The following APOL4 variants were observed in gnomAD, a reference collection of about 807,000 sequenced individuals.
APOL4 encodes apolipoprotein L, 4.
Under a neutral mutation model 12.1 loss-of-function variants are expected in APOL4, and 14 were observed. That is an observed-to-expected ratio of 1.16 (90% CI 0.76 to 1.81). The LOEUF (loss-of-function observed/expected upper bound fraction) is 1.81, where lower values mean the gene tolerates loss of function less well. Among genes scored for constraint, APOL4 ranks in the 40% most tolerant of loss-of-function variants. The probability of loss-of-function intolerance (pLI) is 0.00; values close to 1 mark genes in which losing one functional copy is unlikely to be tolerated. For missense variants in APOL4, 432 were observed against 423.1 expected (o/e 1.02, Z -0.18); for synonymous variants, 171 against 160.6 (o/e 1.06, Z -0.49).
upstream of APOL4, among the ~76,000 whole-genome samples, chr22:36,203,846 C>A (rs2014656369): frequency 6.6e-6 from 1 of 152,222 alleles, no homozygotes; most frequent in Admixed American, 6.5e-5. Flanking sequence ...CACAATCCTG[C>A]ATGCAATTTT....
Position 36,191,921 on chromosome 22 carries a change from A to G in APOL4, c.210-9T>C, listed in dbSNP as rs2014268733. 6.4e-7 allele frequency: 1 copy of G among 1,568,730 alleles called. No individual in the cohort carries two copies. On this transcript the variant is annotated splice_polypyrimidine_tract_variant and intron_variant, in intron 3 of 3. Transcript: ENST00000683024. ...GAGCATCTGCCTCTTCCCTGTACCA[A>G]TAAAGGACAGATGATTAAGAAAGGC...
At position 36,191,009 on chromosome 22, in the gene APOL4, G is replaced by A. The variant is rs995917440; in HGVS notation, c.*66C>T. ...TGTCCATGAAATCTTCACAATCCAC[G>A]TTCTTCTGCCATGGCTTCAGCCAGT... is the stretch of plus-strand genomic sequence containing the variant. On this transcript the variant is annotated 3_prime_UTR_variant, in exon 4 of 4. Transcript: ENST00000683024. 3.7e-5 allele frequency: 51 copies of A among 1,362,578 alleles called. No individual in the cohort carries two copies. Among genetic ancestry groups the A allele is most frequent in the Middle Eastern group, 5.0e-4 (2 of 4,028 alleles). The allele number at this position is 1,362,578 out of a possible 1,614,324, so 84.4% of individuals were successfully genotyped here.
chr22:36,204,246 G>A (rs1311138177), upstream of APOL4, among the ~76,000 whole-genome samples: 1 of 152,182 alleles, frequency 6.6e-6, no homozygotes, highest in Non-Finnish European at 1.5e-5. Context: ...GGACAGACCG[G>A]GCTCCAGGTC....
At chr22:36,202,008 A>G (rs769236810), upstream of APOL4, 115 of 1,614,098 alleles carry the variant, frequency 7.1e-5, no homozygotes, top group Middle Eastern at 6.6e-4. Flanking sequence ...GCAGACGACA[A>G]AGATTTTCAG....
In APOL4 at chr22:36,191,767, A is replaced by G. The variant is rs559666388; in HGVS notation, c.355T>C (p.Ser119Pro). 7 of 1,613,206 alleles carry G rather than the reference A, an allele frequency of 4.3e-6. No individual in the cohort carries two copies. Among genetic ancestry groups the G allele is most frequent in the Non-Finnish European group, 5.9e-6 (7 of 1,179,658 alleles). The stretch of plus-strand genomic sequence containing the variant: ...GCAATGACACGAAGCCTTTCTATGG[A>G]CTCCTGAATCTTCCATCTGATTTGA... ...FPQIRWKIQE[S>P]IERLRVIANE... Residue 119 changes from serine (S) to proline (P), a missense_variant, in exon 4 of 4, where the codon TCC becomes CCC. Physicochemically the swap from Ser to Pro is moderately conservative, Grantham distance 74 (BLOSUM62 -1). Transcript: ENST00000683024.
rs751798687 is a variant in APOL4 at position 36,191,138 on chromosome 22, A to G, written c.984T>C (p.Ala328=). 3.1e-6 allele frequency: 5 copies of G among 1,611,966 alleles called. No homozygotes were observed. In the South Asian group the frequency reaches 4.4e-5, roughly 14 times the overall value. The change falls in exon 4 of 4, where the codon GCT becomes GCC. Residue 328 remains alanine (A), a synonymous_variant. Transcript: ENST00000683024. ...CATTGAGATTCTCCTCCAGCTCCTG[A>G]GCCCACTGCCTCAGCGACTCAGCAG... ...SESAESLRQW[A]QELEENLNEL... is the part of the protein sequence containing the mutation.
chr22:36,202,078 G>T, upstream of APOL4: 1 of 1,613,540 alleles, frequency 6.2e-7, no homozygotes, highest in Non-Finnish European at 8.5e-7. Context: ...AAGAGGGGTT[G>T]AGACAGTGTG....
rs62233807 is a variant in APOL4 at position 36,193,655 on chromosome 22, C to T, written c.209+1656G>A. 3.6e-3 allele frequency among the ~76,000 whole-genome samples: 550 copies of T among 152,288 alleles called. 1 individual carries two copies. Among genetic ancestry groups the T allele is most frequent in the Non-Finnish European group, 6.3e-3 (428 of 68,028 alleles). On this transcript the variant is annotated intron_variant, in intron 3 of 3. Coordinates refer to ENST00000683024, the MANE Select transcript of APOL4 (RefSeq NM_001386885.1). ...CTGGTGTCAGAAGTAAGGGTGCACT[C>T]GAACGTTGCAGTTCACCTAAATCTG...
At position 36,191,355 on chromosome 22, in the gene APOL4, C is replaced by A. The variant is rs368790369; in HGVS notation, c.767G>T (p.Arg256Leu). The change falls in exon 4 of 4, where the codon CGC (arginine) becomes CTC (leucine). Residue 256 changes from arginine (R) to leucine (L), a missense_variant. Coordinates refer to ENST00000683024, the MANE Select transcript of APOL4 (RefSeq NM_001386885.1). The part of the protein sequence containing the change: ...TLRRSKATVG[R>L]PLIAWRYVPI... ...TACATATCGCCAAGCAATCAAAGGG[C>A]GTCCAACAGTGGCTTTAGATCTCCT... is the stretch of plus-strand genomic sequence containing the variant. The A allele has an allele frequency of 6.1e-5, 99 of 1,613,922 alleles. 2 individuals are homozygous for A. In the African/African-American group the frequency reaches 1.3e-3, roughly 21 times the overall value.
chr22:36,196,581 A>C (rs1199018144), intron 2 of APOL4, among the ~76,000 whole-genome samples: 2 of 152,230 alleles, frequency 1.3e-5, no homozygotes, highest in Non-Finnish European at 2.9e-5. Flanking sequence ...GAGTTGCCCC[A>C]AAAATGTGTG....
At chr22:36,203,491 G>C (rs912290047), upstream of APOL4, among the ~76,000 whole-genome samples, 1 of 152,120 alleles carries the variant, frequency 6.6e-6, no homozygotes, top group East Asian at 1.9e-4. Context: ...TAGTGTGTGC[G>C]TCAGTAATTT....
At chr22:36,200,087 G>A (rs574089312) in intron 1 of APOL4, among the ~76,000 whole-genome samples, 11 of 152,270 alleles carry the variant, frequency 7.2e-5, no homozygotes, top group African/African-American at 2.4e-4. Flanking sequence ...GATTACAGGC[G>A]TGAGCGGTCG....
At chr22:36,192,484 G>A (rs147565149) in intron 3 of APOL4, among the ~76,000 whole-genome samples, 33 of 152,282 alleles carry the variant, frequency 2.2e-4, no homozygotes, top group African/African-American at 7.9e-4. Flanking sequence ...TGATAAAGAT[G>A]GCTCCTCATG....
upstream of APOL4, among the ~76,000 whole-genome samples, chr22:36,202,734 G>GA (rs60167679): frequency 3.2e-4 from 46 of 143,284 alleles, 1 homozygote; most frequent in South Asian, 8.7e-4. Context: ...TCAGAAAAAA[G>GA]AAAAAAAAAA....
chr22:36,197,227 A>G (rs115713377), intron 2 of APOL4, among the ~76,000 whole-genome samples: 7,555 of 152,130 alleles, frequency 0.05, 215 homozygotes, highest in South Asian at 0.077. Flanking sequence ...CCCTCCCCTC[A>G]TCTTGGACAG....
chr22:36,197,406 C>T, intron 2 of APOL4: 1 of 486,884 alleles, frequency 2.1e-6, no homozygotes, highest in African/African-American at 2.0e-5. Context: ...TTTCTTTTTC[C>T]TTCTTCACCA....
In APOL4 at chr22:36,191,123, C is replaced by T; in HGVS notation, c.999G>A (p.Glu333=). Residue 333 remains glutamate (E), a synonymous_variant, in exon 4 of 4, where the codon GAG becomes GAA. Transcript: ENST00000683024. The part of the protein sequence containing the change: ...SLRQWAQELE[E]NLNELTHIHQ... ...GGATATGGGTGAGCTCATTGAGATT[C>T]TCCTCCAGCTCCTGAGCCCACTGCC... 1 of 1,610,582 alleles carries T rather than the reference C, an allele frequency of 6.2e-7. No homozygotes were observed. The highest frequency in any genetic ancestry group is 8.5e-7 in the Non-Finnish European group (1 of 1,178,264).
Position 36,195,108 on chromosome 22 carries a change from GCTT to G in APOL4, c.209+200_209+202del, listed in dbSNP as rs377096125. ...GGCAGAACTGACCCTGCCCTTGTGG[GCTT>G]CTTCTCCCCTCAGCCTGAGGTCACT... On this transcript the variant is annotated intron_variant, in intron 3 of 3. Coordinates refer to ENST00000683024, the MANE Select transcript of APOL4 (RefSeq NM_001386885.1). 977 of 572,706 alleles carry G rather than the reference GCTT, an allele frequency of 1.7e-3. 8 individuals are homozygous for G. The highest frequency in any genetic ancestry group is 0.014 in the African/African-American group (734 of 53,072). 35.5% of individuals were successfully genotyped at this position (572,706 alleles called of 1,614,324 possible).
intron 3 of APOL4, chr22:36,194,986 T>G (rs1052165468): frequency 7.2e-5 from 15 of 207,180 alleles, no homozygotes; most frequent in African/African-American, 3.2e-4. Context: ...ATACTTTACA[T>G]GCATTATCTT....
Sources: gnomAD v4.1 joint callset for allele counts (sites outside exome capture counted in the v4.1 genomes callset) on GRCh38, gnomAD v4.1.1 for gene constraint, MANE v1.5 for transcripts, NCBI Gene and HGNC (gene_info 2026-07-23, HGNC 2026-07-21) for gene names.